Variants in KCNIP1 observed in about 807,000 individuals in gnomAD.
The protein encoded by KCNIP1 is A-type potassium channel modulatory protein KCNIP1.
In KCNIP1, 18 loss-of-function variants were observed where a neutral mutation model predicts 33.0. That is an observed-to-expected ratio of 0.55 (90% confidence interval 0.38 to 0.81). KCNIP1 has a LOEUF of 0.81. Ranked by LOEUF, KCNIP1 falls within the 30% of genes least tolerant of loss-of-function variation. The pLI is 0.00. For synonymous variants in KCNIP1, 93 were observed against 98.3 expected, an observed-to-expected ratio of 0.95 and a Z score of 0.32; for missense variants, 238 against 271.6, an observed-to-expected ratio of 0.88 and a Z score of 0.87.
At chr5:170,493,607 A>G (rs1007084167) in intron 1 of KCNIP1, among the ~76,000 whole-genome samples, 8 of 152,212 alleles carry the variant, frequency 5.3e-5, no homozygotes, top group African/African-American at 1.7e-4. Context: ...TCAGCTCACC[A>G]GGGCACCCTT....
rs73319358 is a variant in KCNIP1, at chr5:170,670,251, G to T, written c.62-48507G>T. On this transcript the variant is annotated intron_variant, in intron 1 of 7. Transcript: ENST00000328939. The stretch of plus-strand genomic sequence containing the variant: ...TGGATGGGTGGATGAATAGATGGAT[G>T]GATGGACAGATGGACGGAGAGAGAG... Among the ~76,000 whole-genome samples, 1,229 of 152,284 alleles carry T rather than the reference G, an allele frequency of 8.1e-3. 21 individuals are homozygous for T. Among genetic ancestry groups the T allele is most frequent in the East Asian group, 0.07 (363 of 5,178 alleles).
chr5:170,555,013 A>G (rs186014577), intron 1 of KCNIP1, among the ~76,000 whole-genome samples: 162 of 152,258 alleles, frequency 1.1e-3, no homozygotes, highest in African/African-American at 3.6e-3. Flanking sequence ...CTCTATCTCC[A>G]TATCTTATTT....
intron 1 of KCNIP1, among the ~76,000 whole-genome samples, chr5:170,412,571 AGATC>A (rs922327702): frequency 1.3e-5 from 2 of 152,316 alleles, no homozygotes. Flanking sequence ...ATTTGCCCCA[AGATC>A]GTGGAACAAG....
intron 1 of KCNIP1, among the ~76,000 whole-genome samples, chr5:170,396,331 A>C (rs314119): frequency 2.0e-4 from 31 of 152,156 alleles, no homozygotes; most frequent in East Asian, 1.4e-3. Context: ...ATGGACTGCT[A>C]TGCTCACTCT....
At chr5:170,409,794 C>T (rs1185511557) in intron 1 of KCNIP1, among the ~76,000 whole-genome samples, 2 of 152,206 alleles carry the variant, frequency 1.3e-5, no homozygotes, top group Non-Finnish European at 2.9e-5. Context: ...GGTTGAGTTA[C>T]ATACCCTCAG....
intron 1 of KCNIP1, among the ~76,000 whole-genome samples, chr5:170,509,421 T>G (rs1754848562): frequency 6.6e-6 from 1 of 152,218 alleles, no homozygotes; most frequent in Non-Finnish European, 1.5e-5. Context: ...TCAGTGGGAT[T>G]GTTTTGACTT....
chr5:170,393,143 C>T (rs192185284), intron 1 of KCNIP1, among the ~76,000 whole-genome samples: 1 of 152,238 alleles, frequency 6.6e-6, no homozygotes, highest in Non-Finnish European at 1.5e-5. Flanking sequence ...CAGCCCGTCC[C>T]TGCCCCTCTG....
At chr5:170,459,634 C>G (rs1051230057) in intron 1 of KCNIP1, among the ~76,000 whole-genome samples, 13 of 152,034 alleles carry the variant, frequency 8.6e-5, no homozygotes, top group African/African-American at 3.1e-4. Flanking sequence ...AAAAATTATT[C>G]AAACTGAATG....
intron 2 of KCNIP1, among the ~76,000 whole-genome samples, chr5:170,719,305 T>G (rs1763740238): frequency 6.6e-6 from 1 of 151,670 alleles, no homozygotes; most frequent in East Asian, 2.0e-4. Flanking sequence ...GAAATGGAAC[T>G]GACAGTGGAA....
chr5:170,671,094 C>G (rs970547345), intron 1 of KCNIP1, among the ~76,000 whole-genome samples: 2 of 152,084 alleles, frequency 1.3e-5, no homozygotes, highest in Non-Finnish European at 2.9e-5. Flanking sequence ...CTCTGTGTAC[C>G]TTGTCCCCCA....
chr5:170,635,808 G>A (rs1581427013), intron 1 of KCNIP1, among the ~76,000 whole-genome samples: 1 of 152,372 alleles, frequency 6.6e-6, no homozygotes, highest in East Asian at 1.9e-4. Context: ...ATGTATAAAA[G>A]GGATGCTGGG....
chr5:170,470,221 T>C (rs1178796326), intron 1 of KCNIP1, among the ~76,000 whole-genome samples: 2 of 152,166 alleles, frequency 1.3e-5, no homozygotes, highest in Non-Finnish European at 2.9e-5. Flanking sequence ...AGAGCTCTTC[T>C]TCACATCTCA....
At chr5:170,560,996 A>C (rs961096643) in intron 1 of KCNIP1, 6 of 417,830 alleles carry the variant, frequency 1.4e-5, no homozygotes, top group Non-Finnish European at 2.9e-5. Context: ...GAGGCCAGGC[A>C]AGGCATTGTG....
At chr5:170,471,097 A>G (rs993694461) in intron 1 of KCNIP1, among the ~76,000 whole-genome samples, 106 of 152,124 alleles carry the variant, frequency 7.0e-4, no homozygotes, top group African/African-American at 2.3e-3. Flanking sequence ...TTGCGCATTT[A>G]CTTTTCAAGG....
chr5:170,693,410 G>A lies in KCNIP1; in HGVS notation c.62-25348G>A, dbSNP rs72837603. Among the ~76,000 whole-genome samples the A allele has an allele frequency of 4.9e-3, 749 of 152,320 alleles. 3 individuals carry two copies. Among genetic ancestry groups the A allele is most frequent in the Non-Finnish European group, 7.8e-3 (529 of 68,030 alleles). The stretch of plus-strand genomic sequence containing the variant: ...CTGCCATCTGCTGTGCATCCTCTGT[G>A]TGCCATGCTCTGGGTACCCATCTAA... On this transcript the variant is annotated intron_variant, in intron 1 of 7. Transcript: ENST00000328939.
intron 1 of KCNIP1, chr5:170,376,317 C>G (rs556197589): frequency 6.6e-6 from 1 of 151,958 alleles, no homozygotes; most frequent in South Asian, 2.1e-4. Context: ...GCTACCACCA[C>G]GCCCGGCTAT....
intron 1 of KCNIP1, among the ~76,000 whole-genome samples, chr5:170,470,714 T>C (rs141430594): frequency 6.6e-5 from 10 of 152,358 alleles, no homozygotes; most frequent in South Asian, 2.1e-4. Context: ...TTTGGGAGTG[T>C]GGCAAGTGAA....
chr5:170,437,322 TC>T (rs1755889182), intron 1 of KCNIP1, among the ~76,000 whole-genome samples: 1 of 152,160 alleles, frequency 6.6e-6, no homozygotes, highest in South Asian at 2.1e-4. Context: ...AGAGCGACCT[TC>T]CTTCTTCTGT....
intron 1 of KCNIP1, among the ~76,000 whole-genome samples, chr5:170,536,641 C>G (rs1755994903): frequency 6.6e-6 from 1 of 152,214 alleles, no homozygotes; most frequent in Non-Finnish European, 1.5e-5. Flanking sequence ...AGTCCTCCCA[C>G]TCTGCCCCCA....
Sources: gnomAD v4.1 joint callset for allele counts (sites outside exome capture counted in the v4.1 genomes callset) on GRCh38, gnomAD v4.1.1 for gene constraint, MANE v1.5 for transcripts, NCBI Gene and HGNC (gene_info 2026-07-23, HGNC 2026-07-21) for gene names.